Variants in UBE2E2 observed in about 807,000 individuals in gnomAD.
UBE2E2 encodes ubiquitin conjugating enzyme E2 E2.
UBE2E2 carries 6 observed loss-of-function variants against 24.7 expected under a neutral mutation model. That is an observed-to-expected ratio of 0.24 (90% confidence interval 0.13 to 0.48). UBE2E2 has a LOEUF of 0.48. Among genes scored for constraint, UBE2E2 ranks in the 20% least tolerant of loss-of-function variants. UBE2E2 has a pLI of 0.99. For synonymous variants in UBE2E2, 104 were observed against 83.6 expected (o/e 1.24, Z -1.33); for missense variants, 169 against 245.0 (o/e 0.69, Z 2.07).
At chr3:23,421,081 A>G (rs554822245) in intron 3 of UBE2E2, among the ~76,000 whole-genome samples, 5 of 152,372 alleles carry the variant, frequency 3.3e-5, no homozygotes, top group Non-Finnish European at 5.9e-5. Context: ...GACATGATCT[A>G]CTTTCTACTG....
chr3:23,215,178 A>T (rs1274762199), intron 2 of UBE2E2, among the ~76,000 whole-genome samples: 2 of 152,136 alleles, frequency 1.3e-5, no homozygotes, highest in Non-Finnish European at 2.9e-5. Flanking sequence ...TATCTTCTCC[A>T]TCCACTTTTA....
In UBE2E2 at chr3:23,356,822, C is replaced by T. The variant is rs151115936; in HGVS notation, c.227+139510C>T. 8.5e-3 allele frequency among the ~76,000 whole-genome samples: 1,299 copies of T among 152,320 alleles called. 11 individuals are homozygous for T. Among genetic ancestry groups the T allele is most frequent in the Non-Finnish European group, 0.012 (837 of 68,034 alleles). ...TCAGTTATTTAACACAGGTCTCCAA[C>T]CCCTGGTGCCAGTTTATGGACAAAC... On this transcript the variant is annotated intron_variant, in intron 3 of 5. Transcript: ENST00000396703.
chr3:23,343,145 AT>A (rs1277036099), intron 3 of UBE2E2, among the ~76,000 whole-genome samples: 1 of 151,932 alleles, frequency 6.6e-6, no homozygotes, highest in African/African-American at 2.4e-5. Flanking sequence ...ACATTTTCTT[AT>A]TTTTAAAATA....
chr3:23,331,374 G>T (rs1695053658), intron 3 of UBE2E2, among the ~76,000 whole-genome samples: 1 of 152,110 alleles, frequency 6.6e-6, no homozygotes, highest in Non-Finnish European at 1.5e-5. Flanking sequence ...TGCCAACCTG[G>T]AGTTTACATT....
Position 23,376,514 on chromosome 3 carries a change from A to G in UBE2E2, c.228-123094A>G, listed in dbSNP as rs1396643264. On this transcript the variant is annotated intron_variant, in intron 3 of 5. Coordinates refer to ENST00000396703, the MANE Select transcript of UBE2E2 (RefSeq NM_152653.4). ...TTATTAAAGGCGTTGCCCAATTAGG[A>G]TGGAAGCCGTCTTCTGTGGAAAATA... Among the ~76,000 whole-genome samples the G allele has an allele frequency of 2.6e-5, 4 of 152,338 alleles. No homozygotes were observed. In the East Asian group the frequency reaches 5.8e-4, roughly 22 times the overall value.
intron 3 of UBE2E2, among the ~76,000 whole-genome samples, chr3:23,223,508 T>G (rs772805632): frequency 6.6e-6 from 1 of 152,116 alleles, no homozygotes; most frequent in Non-Finnish European, 1.5e-5. Flanking sequence ...TGTTTTAAAT[T>G]GGATTATATA....
chr3:23,459,842 T>C (rs190370442), intron 3 of UBE2E2, among the ~76,000 whole-genome samples: 234 of 152,342 alleles, frequency 1.5e-3, no homozygotes, highest in African/African-American at 5.4e-3. Context: ...TAGCATACTT[T>C]CTGTGTAATG....
chr3:23,556,612 C>T (rs1298102062), intron 5 of UBE2E2, among the ~76,000 whole-genome samples: 1 of 152,038 alleles, frequency 6.6e-6, no homozygotes, highest in Non-Finnish European at 1.5e-5. Context: ...GTTAAGTCCT[C>T]CAAAACCACT....
chr3:23,392,177 G>A (rs1696953747), intron 3 of UBE2E2, among the ~76,000 whole-genome samples: 1 of 152,138 alleles, frequency 6.6e-6, no homozygotes, highest in East Asian at 1.9e-4. Flanking sequence ...ATGGCAGAAT[G>A]GAAAGCCCTC....
chr3:23,269,806 G>A (rs1218604155), intron 3 of UBE2E2, among the ~76,000 whole-genome samples: 7 of 152,118 alleles, frequency 4.6e-5, no homozygotes, highest in Non-Finnish European at 1.5e-5. Context: ...CATACAGGGA[G>A]GAAAATGATG....
At chr3:23,534,148 T>G in intron 5 of UBE2E2, 2 of 938,884 alleles carry the variant, frequency 2.1e-6, no homozygotes, top group Non-Finnish European at 2.5e-6. Flanking sequence ...TTTTTTTTTT[T>G]TGAGGTGATT....
chr3:23,231,517 G>A (rs970550925), intron 3 of UBE2E2, among the ~76,000 whole-genome samples: 2 of 152,066 alleles, frequency 1.3e-5, no homozygotes, highest in Admixed American at 1.3e-4. Flanking sequence ...AGATGTTTGG[G>A]GGTTTCTCTT....
intron 3 of UBE2E2, among the ~76,000 whole-genome samples, chr3:23,259,212 C>A (rs1688511928): frequency 1.3e-5 from 2 of 152,132 alleles, no homozygotes; most frequent in South Asian, 4.2e-4. Flanking sequence ...TCACTGTCTA[C>A]TTCCTTGTAT....
chr3:23,565,057 C>G (rs73141816), intron 5 of UBE2E2, among the ~76,000 whole-genome samples: 6,343 of 152,058 alleles, frequency 0.042, 449 homozygotes, highest in African/African-American at 0.14. Context: ...TCCTCCTTGT[C>G]AAAAAAGTAA....
chr3:23,569,042 C>A (rs1242799450), intron 5 of UBE2E2, among the ~76,000 whole-genome samples: 1 of 150,482 alleles, frequency 6.6e-6, no homozygotes, highest in Non-Finnish European at 1.5e-5. Context: ...ATGTTCCTTG[C>A]AGCATTATTT....
At chr3:23,232,279 A>G (rs930564267) in intron 3 of UBE2E2, among the ~76,000 whole-genome samples, 2 of 152,220 alleles carry the variant, frequency 1.3e-5, no homozygotes, top group East Asian at 3.8e-4. Context: ...TGCCAGGAAA[A>G]CGGGGTTGAA....
At chr3:23,548,930 G>T (rs1695580258) in intron 5 of UBE2E2, among the ~76,000 whole-genome samples, 1 of 152,162 alleles carries the variant, frequency 6.6e-6, no homozygotes. Context: ...GCCAGGGCAA[G>T]AATGGCCCCA....
rs1696513947 is a variant in UBE2E2 at position 23,217,652 on chromosome 3, G to A, written c.227+340G>A. On this transcript the variant is annotated intron_variant, in intron 3 of 5. Transcript: ENST00000396703. Reference sequence around the variant, plus strand: ...TTTTTAATGATAGAATAATAGCATGGCTAAAATATGTGCTATGTTGTATTG... The same window carrying A: ...TTTTTAATGATAGAATAATAGCATGACTAAAATATGTGCTATGTTGTATTG... Among the ~76,000 whole-genome samples, 3 of 151,976 alleles carry A rather than the reference G, an allele frequency of 2.0e-5. No individual in the cohort carries two copies. In the South Asian group the frequency reaches 6.2e-4, roughly 32 times the overall value.
chr3:23,491,736 C>T (rs962253160), intron 3 of UBE2E2, among the ~76,000 whole-genome samples: 2 of 152,146 alleles, frequency 1.3e-5, no homozygotes, highest in Non-Finnish European at 2.9e-5. Flanking sequence ...CTAGAGAAAG[C>T]AGGGAAGCAA....
Sources: gnomAD v4.1 joint callset for allele counts (sites outside exome capture counted in the v4.1 genomes callset) on GRCh38, gnomAD v4.1.1 for gene constraint, MANE v1.5 for transcripts, NCBI Gene and HGNC (gene_info 2026-07-23, HGNC 2026-07-21) for gene names.